TTLL7: variants seen among roughly 807,000 people sequenced by gnomAD.
TTLL7 encodes tubulin tyrosine ligase like 7.
A neutral mutation model predicts 120.2 loss-of-function variants in TTLL7; 53 were observed. That is an observed-to-expected ratio of 0.44 (90% confidence interval 0.35 to 0.55). The LOEUF (loss-of-function observed/expected upper bound fraction) is 0.55, where lower values mean the gene tolerates loss of function less well. TTLL7 is among the 20% of genes least tolerant of loss of function. The probability of loss-of-function intolerance (pLI) is 0.00; values close to 1 mark genes in which losing one functional copy is unlikely to be tolerated. For synonymous variants in TTLL7, 353 were observed against 351.7 expected, an observed-to-expected ratio of 1.00 and a Z score of -0.04; for missense variants, 803 against 1,054.7, an observed-to-expected ratio of 0.76 and a Z score of 3.31.
rs2100687781 is a variant in TTLL7 at position 83,870,064 on chromosome 1, G to A, written c.2562C>T (p.Ser854=). The A allele has an allele frequency of 1.3e-6, 2 of 1,568,042 alleles. No individual in the cohort carries two copies. The highest frequency in any genetic ancestry group is 1.2e-5 in the South Asian group (1 of 82,364). Residue 854 remains serine, a synonymous_variant, in exon 21 of 21, where the codon AGC becomes AGT. Coordinates refer to ENST00000260505, the MANE Select transcript of TTLL7 (RefSeq NM_024686.6). ...WGNSRYLLPG[S]TQFFLRTPTY... ...TTGGTGTTCTCAAGAAGAATTGGGT[G>A]CTCCCTGGTAGTAAATACCTAAAAA...
chr1:83,890,963 A>G (rs1242747740), intron 18 of TTLL7, among the ~76,000 whole-genome samples: 5 of 152,126 alleles, frequency 3.3e-5, no homozygotes, highest in African/African-American at 1.2e-4. Context: ...ATTAAATTAA[A>G]AAGAATCAAC....
rs545262610 is a variant in TTLL7 at position 83,947,041 on chromosome 1, C to T, written c.506+83G>A. ...CGTTATTTTTTCATATTGGTACTCA[C>T]GCATGAGTAATTATGCACATTTATT... On this transcript the variant is annotated intron_variant, in intron 6 of 20. Transcript: ENST00000260505. 2.2e-4 allele frequency: 233 copies of T among 1,082,558 alleles called. 1 individual carries two copies. Among genetic ancestry groups the T allele is most frequent in the Admixed American group, 1.5e-3 (55 of 35,654 alleles). 67.1% of individuals were successfully genotyped at this position (1,082,558 alleles called of 1,614,324 possible).
At chr1:83,914,098 A>C (rs887609521) in intron 14 of TTLL7, among the ~76,000 whole-genome samples, 1 of 152,182 alleles carries the variant, frequency 6.6e-6, no homozygotes, top group African/African-American at 2.4e-5. Flanking sequence ...CAATGCCTCA[A>C]TATAGAGCAC....
intron 18 of TTLL7, among the ~76,000 whole-genome samples, chr1:83,897,252 T>C (rs1656305477): frequency 6.6e-6 from 1 of 152,058 alleles, no homozygotes; most frequent in South Asian, 2.1e-4. Flanking sequence ...CATAATGGTC[T>C]CTAAATGGAA....
intron 5 of TTLL7, among the ~76,000 whole-genome samples, chr1:83,948,184 A>AACACAC (rs35199174): frequency 0.054 from 8,017 of 147,384 alleles, 237 homozygotes; most frequent in African/African-American, 0.079. Context: ...GACACACACA[A>AACACAC]ACACACACAC....
At chr1:83,925,235 A>C (rs898768500) in intron 10 of TTLL7, among the ~76,000 whole-genome samples, 5 of 152,170 alleles carry the variant, frequency 3.3e-5, no homozygotes, top group Non-Finnish European at 7.4e-5. Context: ...AAAGCATCCC[A>C]AAATTAGCAT....
At position 83,905,990 on chromosome 1, in the gene TTLL7, C is replaced by A. The variant is rs533395214; in HGVS notation, c.2127+339G>T. ...CATTCCATATTAGTTCTTTCTAAAT[C>A]TTTATAGAAGCAGGTTTAACATGAT... On this transcript the variant is annotated intron_variant, in intron 17 of 20. Coordinates refer to ENST00000260505, the MANE Select transcript of TTLL7 (RefSeq NM_024686.6). Among the ~76,000 whole-genome samples the A allele has an allele frequency of 3.3e-5, 5 of 152,104 alleles. No individual in the cohort carries two copies. In the East Asian group the frequency reaches 5.8e-4, roughly 18 times the overall value.
chr1:83,916,305 G>T (rs536251746), intron 14 of TTLL7, among the ~76,000 whole-genome samples: 40 of 152,240 alleles, frequency 2.6e-4, no homozygotes, highest in Non-Finnish European at 3.4e-4. Flanking sequence ...GGAATACTAT[G>T]CAGCCATAAA....
rs138336034 is a variant in TTLL7 at position 83,967,991 on chromosome 1, A to G, written c.-176-15604T>C. Among the ~76,000 whole-genome samples, 798 of 152,106 alleles carry G rather than the reference A, an allele frequency of 5.2e-3. 3 individuals carry two copies. The highest frequency in any genetic ancestry group is 0.01 in the South Asian group (50 of 4,816). On this transcript the variant is annotated intron_variant, in intron 1 of 20. Transcript: ENST00000260505. ...TGAACCTGGGGTAAGAACAGTCGGG[A>G]TGGCATTTTAACCTGCAGCCGTTCC...
chr1:83,917,591 A>G lies in TTLL7; in HGVS notation c.1587+13T>C. On this transcript the variant is annotated intron_variant, in intron 14 of 20. Transcript: ENST00000260505. The stretch of plus-strand genomic sequence containing the variant: ...CTACTTTGATAAGTAAGGAAGGTAG[A>G]GATATACTGCACCTTTGGTCCTCGA... The G allele has an allele frequency of 6.3e-7, 1 of 1,581,952 alleles. No homozygotes were observed. The highest frequency in any genetic ancestry group is 8.7e-7 in the Non-Finnish European group (1 of 1,151,032).
At chr1:83,993,847 A>C (rs1571420716) in intron 1 of TTLL7, among the ~76,000 whole-genome samples, 1 of 152,252 alleles carries the variant, frequency 6.6e-6, no homozygotes, top group East Asian at 1.9e-4. Flanking sequence ...TGTACTATGG[A>C]CAGAAGTGTG....
At chr1:83,975,171 T>C (rs1054778653) in intron 1 of TTLL7, among the ~76,000 whole-genome samples, 1 of 152,096 alleles carries the variant, frequency 6.6e-6, no homozygotes, top group Non-Finnish European at 1.5e-5. Context: ...GTTACATACA[T>C]TGCACTATAG....
chr1:83,925,862 C>CTGTA (rs1441819244), intron 10 of TTLL7, among the ~76,000 whole-genome samples: 1 of 152,114 alleles, frequency 6.6e-6, no homozygotes, highest in Non-Finnish European at 1.5e-5. Flanking sequence ...TGGCTTACAC[C>CTGTA]TGTAATCTCA....
chr1:83,951,157 G>A (rs1023447254), intron 3 of TTLL7, among the ~76,000 whole-genome samples: 2 of 152,116 alleles, frequency 1.3e-5, no homozygotes, highest in Non-Finnish European at 2.9e-5. Context: ...AGACCATCCT[G>A]GCTAACACAG....
chr1:83,994,378 A>C (rs1451669354), intron 1 of TTLL7, among the ~76,000 whole-genome samples: 1 of 152,196 alleles, frequency 6.6e-6, no homozygotes, highest in East Asian at 1.9e-4. Flanking sequence ...TGGAGGTAGG[A>C]CAGTGAGGAA....
At chr1:83,963,066 C>T (rs544508608) in intron 1 of TTLL7, among the ~76,000 whole-genome samples, 1 of 152,190 alleles carries the variant, frequency 6.6e-6, no homozygotes, top group African/African-American at 2.4e-5. Context: ...CCTGCTTTTA[C>T]CTATTTTCTT....
intron 1 of TTLL7, among the ~76,000 whole-genome samples, chr1:83,968,635 G>A (rs1302985934): frequency 6.6e-6 from 1 of 152,006 alleles, no homozygotes; most frequent in Admixed American, 6.6e-5. Flanking sequence ...TTTTAACATT[G>A]AGACTAGGAA....
intron 18 of TTLL7, among the ~76,000 whole-genome samples, chr1:83,902,512 T>C (rs2389650): frequency 0.042 from 6,335 of 152,150 alleles, 155 homozygotes; most frequent in Middle Eastern, 0.099. Context: ...GTCAGCAATA[T>C]GTGACACAAT....
intron 15 of TTLL7, among the ~76,000 whole-genome samples, chr1:83,908,411 AGT>A (rs1657392567): frequency 2.6e-5 from 4 of 152,156 alleles, no homozygotes; most frequent in African/African-American, 9.7e-5. Context: ...TATAAAGAGT[AGT>A]ACTGAACAGA....
Sources: gnomAD v4.1 joint callset for allele counts (sites outside exome capture counted in the v4.1 genomes callset) on GRCh38, gnomAD v4.1.1 for gene constraint, MANE v1.5 for transcripts, NCBI Gene and HGNC (gene_info 2026-07-23, HGNC 2026-07-21) for gene names.